The following CLCA2 variants were observed in gnomAD, a reference collection of about 807,000 sequenced individuals.
CLCA2 encodes calcium-activated chloride channel regulator 2.
Under a neutral mutation model 82.9 loss-of-function variants are expected in CLCA2, and 85 were observed. The observed-to-expected ratio is 1.03, with a 90% CI of 0.86 to 1.23. The LOEUF (loss-of-function observed/expected upper bound fraction) is 1.23, where lower values mean the gene tolerates loss of function less well. Ranked by LOEUF, CLCA2 falls within the 50% of genes most tolerant of loss-of-function variation. The pLI is 0.00. For missense variants in CLCA2, 1,089 were observed against 1,124.8 expected, an observed-to-expected ratio of 0.97 and a Z score of 0.45; for synonymous variants, 421 against 391.7, an observed-to-expected ratio of 1.07 and a Z score of -0.88.
intron 6 of CLCA2, among the ~76,000 whole-genome samples, chr1:86,436,300 G>A (rs1217002107): frequency 6.6e-6 from 1 of 152,196 alleles, no homozygotes; most frequent in Non-Finnish European, 1.5e-5. Context: ...ACATGGAAGA[G>A]TATTTACCCC....
At chr1:86,434,098 A>G (rs186024698) in intron 5 of CLCA2, among the ~76,000 whole-genome samples, 66 of 152,330 alleles carry the variant, frequency 4.3e-4, no homozygotes, top group Admixed American at 3.9e-3. Context: ...TTGACTGATC[A>G]ACAAATAAAG....
At chr1:86,446,673 G>A (rs191436992) in intron 10 of CLCA2, among the ~76,000 whole-genome samples, 3 of 152,160 alleles carry the variant, frequency 2.0e-5, no homozygotes, top group East Asian at 3.8e-4. Flanking sequence ...CCTGAGTTAC[G>A]CTTCAACCCC....
chr1:86,454,803 A>T (rs56126443), intron 13 of CLCA2, among the ~76,000 whole-genome samples: 29,048 of 151,932 alleles, frequency 0.19, 3,049 homozygotes, highest in African/African-American at 0.26. Context: ...AACAAAACAA[A>T]ACAAAAACAA....
chr1:86,432,038 C>T lies in CLCA2; in HGVS notation c.585-331C>T, dbSNP rs547011304. On this transcript the variant is annotated intron_variant, in intron 4 of 13. Transcript: ENST00000370565. ...GAAACTTCTGCCACCTGGGTTCAAG[C>T]AATTCTCCTGCGTCAGCCTCCTCAG... Among the ~76,000 whole-genome samples the T allele has an allele frequency of 3.3e-5, 5 of 152,256 alleles. No homozygotes were observed. The East Asian group carries it at 9.7e-4, about 29-fold the overall frequency.
At chr1:86,444,652 T>C (rs1268876379) in intron 10 of CLCA2, among the ~76,000 whole-genome samples, 1 of 152,138 alleles carries the variant, frequency 6.6e-6, no homozygotes, top group African/African-American at 2.4e-5. Context: ...TAGGGTAATC[T>C]ATAAGTTAGG....
intron 10 of CLCA2, among the ~76,000 whole-genome samples, chr1:86,446,392 T>C (rs1662854838): frequency 6.6e-6 from 1 of 152,032 alleles, no homozygotes; most frequent in African/African-American, 2.4e-5. Context: ...TTTTCACACC[T>C]GTGTATAAGG....
chr1:86,424,373 A>G lies in CLCA2; in HGVS notation c.126A>G (p.Gly42=), dbSNP rs191309470. 1.9e-6 allele frequency: 3 copies of G among 1,613,014 alleles called. No homozygotes were observed. Among genetic ancestry groups the G allele is most frequent in the Non-Finnish European group, 1.7e-6 (2 of 1,179,606 alleles). Residue 42 remains glycine, a synonymous_variant, in exon 1 of 14, where the codon GGA becomes GGG. Coordinates refer to ENST00000370565, the MANE Select transcript of CLCA2 (RefSeq NM_006536.7). The part of the protein sequence containing the change: ...GVQLQDNGYN[G]LLIAINPQVP... Reference sequence around the variant, plus strand: ...AGCTTCAAGACAATGGGTATAATGGATTGCTCATTGCAATTAATCCTCAGG... The same window carrying G: ...AGCTTCAAGACAATGGGTATAATGGGTTGCTCATTGCAATTAATCCTCAGG...
chr1:86,432,334 T>C (rs759445585), intron 4 of CLCA2, 35 bp from the exon 5 acceptor site: 2 of 1,607,460 alleles, frequency 1.2e-6, no homozygotes, highest in Non-Finnish European at 1.7e-6. Flanking sequence ...GTTTCTAAAA[T>C]AGACCTAATT....
rs537972630 is a variant in CLCA2 at position 86,424,384 on chromosome 1, C to T, written c.137C>T (p.Ala46Val). The change falls in exon 1 of 14, where the codon GCA (alanine) becomes GTA (valine). Residue 46 changes from alanine (A) to valine (V), a missense_variant. Coordinates refer to ENST00000370565, the MANE Select transcript of CLCA2 (RefSeq NM_006536.7). ...AATGGGTATAATGGATTGCTCATTGCAATTAATCCTCAGGTACCTGAGAAT... is the reference window on the plus strand; with the variant it reads ...AATGGGTATAATGGATTGCTCATTGTAATTAATCCTCAGGTACCTGAGAAT... ...QDNGYNGLLI[A>V]INPQVPENQN... The T allele has an allele frequency of 5.8e-5, 93 of 1,612,494 alleles. 2 individuals carry two copies. In the South Asian group the frequency reaches 9.6e-4, roughly 17 times the overall value.
At chr1:86,442,580 CA>C (rs1437184628) in intron 9 of CLCA2, among the ~76,000 whole-genome samples, 1 of 152,170 alleles carries the variant, frequency 6.6e-6, no homozygotes, top group Non-Finnish European at 1.5e-5. Flanking sequence ...CAGCCATCAG[CA>C]ATCCATAAAT....
At position 86,453,367 on chromosome 1, in the gene CLCA2, A is replaced by T; in HGVS notation, c.2156-2A>T. On this transcript the variant is annotated splice_acceptor_variant, in intron 12 of 13. Coordinates refer to ENST00000370565, the MANE Select transcript of CLCA2 (RefSeq NM_006536.7). LOFTEE classifies it high-confidence loss of function. ...TGCCTTTTTTTTTCTTTTTTGTCTCAGGTAATATTCAGATGAATGCTCCAA... is the reference window on the plus strand; with the variant it reads ...TGCCTTTTTTTTTCTTTTTTGTCTCTGGTAATATTCAGATGAATGCTCCAA... 1 of 1,605,702 alleles carries T rather than the reference A, an allele frequency of 6.2e-7. No individual in the cohort carries two copies. Among genetic ancestry groups the T allele is most frequent in the Non-Finnish European group, 8.5e-7 (1 of 1,176,370 alleles).
At chr1:86,440,726 C>T (rs1005295749) in intron 8 of CLCA2, among the ~76,000 whole-genome samples, 2 of 152,028 alleles carry the variant, frequency 1.3e-5, no homozygotes, top group African/African-American at 4.8e-5. Flanking sequence ...CATGGTAAAA[C>T]CCCACTTCTA....
chr1:86,434,782 C>T, intron 6 of CLCA2, 37 bp downstream of exon 6: 1 of 1,470,242 alleles, frequency 6.8e-7, no homozygotes, highest in Non-Finnish European at 9.5e-7. Flanking sequence ...AAACATTTAT[C>T]ATTTTTTCTA....
intron 12 of CLCA2, among the ~76,000 whole-genome samples, 156 bp downstream of exon 12, chr1:86,450,889 A>G (rs141415902): frequency 2.0e-4 from 31 of 152,304 alleles, no homozygotes; most frequent in South Asian, 8.3e-4. Context: ...TGTTTCTTCA[A>G]TCCTCAGTGA....
intron 6 of CLCA2, among the ~76,000 whole-genome samples, chr1:86,438,131 G>T (rs1231817578): frequency 6.6e-6 from 1 of 152,140 alleles, no homozygotes; most frequent in African/African-American, 2.4e-5. Context: ...ATCCACCCAG[G>T]AAGATGCTTG....
Position 86,424,374 on chromosome 1 carries a change from T to C in CLCA2, c.127T>C (p.Leu43=). 1.2e-6 allele frequency: 2 copies of C among 1,613,372 alleles called. No homozygotes were observed. The highest frequency in any genetic ancestry group is 1.7e-6 in the Non-Finnish European group (2 of 1,179,726). Reference sequence around the variant, plus strand: ...GCTTCAAGACAATGGGTATAATGGATTGCTCATTGCAATTAATCCTCAGGT... The same window carrying C: ...GCTTCAAGACAATGGGTATAATGGACTGCTCATTGCAATTAATCCTCAGGT... ...VQLQDNGYNG[L]LIAINPQVPE... Residue 43 remains leucine, a synonymous_variant, in exon 1 of 14, where the codon TTG becomes CTG. Coordinates refer to ENST00000370565, the MANE Select transcript of CLCA2 (RefSeq NM_006536.7).
intron 8 of CLCA2, among the ~76,000 whole-genome samples, chr1:86,440,584 G>A (rs928275480): frequency 6.6e-6 from 1 of 151,958 alleles, no homozygotes; most frequent in Non-Finnish European, 1.5e-5. Flanking sequence ...CATAATCATG[G>A]AGCTAAAACA....
rs960443104 is a variant in CLCA2 at position 86,440,194 on chromosome 1, T to C, written c.1250T>C (p.Leu417Ser). 24 of 1,614,032 alleles carry C rather than the reference T, an allele frequency of 1.5e-5. No individual in the cohort carries two copies. The highest frequency in any genetic ancestry group is 1.9e-5 in the Non-Finnish European group (23 of 1,179,986). ...AAAGCTTATGGCTCTGTGATGATAT[T>C]AGTGACCAGCGGAGATGATAAGCTT... is the stretch of plus-strand genomic sequence containing the variant. The part of the protein sequence containing the change: ...NGKAYGSVMI[L>S]VTSGDDKLLG... Residue 417 changes from leucine (L) to serine (S), a missense_variant, in exon 8 of 14, where the codon TTA becomes TCA. Physicochemically the swap from Leu to Ser is moderately radical, Grantham distance 145. Transcript: ENST00000370565.
At chr1:86,447,907 C>T in intron 11 of CLCA2, 129 bp downstream of exon 11, 1 of 958,330 alleles carries the variant, frequency 1.0e-6, no homozygotes, top group Non-Finnish European at 1.5e-6. Flanking sequence ...ACAATATTCT[C>T]AAATTCTTAT....
Sources: gnomAD v4.1 joint callset for allele counts (sites outside exome capture counted in the v4.1 genomes callset) on GRCh38, gnomAD v4.1.1 for gene constraint, MANE v1.5 for transcripts, NCBI Gene and HGNC (gene_info 2026-07-23, HGNC 2026-07-21) for gene names.